Variants in SPNS2 observed in about 807,000 individuals in gnomAD.
The protein encoded by SPNS2 is sphingosine-1-phosphate transporter SPNS2.
Under a neutral mutation model 57.6 loss-of-function variants are expected in SPNS2, and 37 were observed. That is an observed-to-expected ratio of 0.64 (90% CI 0.49 to 0.85). SPNS2 has a LOEUF of 0.85. SPNS2 is among the 40% of genes least tolerant of loss of function. The pLI, the probability that SPNS2 is intolerant of heterozygous loss-of-function variation, is 0.00. For missense variants in SPNS2, 831 were observed against 779.1 expected (o/e 1.07, Z -0.79); for synonymous variants, 440 against 346.9 (o/e 1.27, Z -2.98).
chr17:4,502,314 AG>A (rs1201863405), intron 1 of SPNS2, among the ~76,000 whole-genome samples: 5 of 151,054 alleles, frequency 3.3e-5, no homozygotes, highest in African/African-American at 9.7e-5. Context: ...CAGGAGGTGG[AG>A]GTTGCATTGA....
chr17:4,502,857 C>T (rs1567586338), intron 1 of SPNS2, among the ~76,000 whole-genome samples: 5 of 152,136 alleles, frequency 3.3e-5, no homozygotes. Flanking sequence ...CCTTTGCAAG[C>T]CCCTCCCTTC....
At chr17:4,530,830 T>C in intron 4 of SPNS2, 47 bp downstream of exon 4, 1 of 1,586,856 alleles carries the variant, frequency 6.3e-7, no homozygotes, top group Non-Finnish European at 8.6e-7. Flanking sequence ...TGGGCAAGGT[T>C]CCCTTGGACT....
intron 1 of SPNS2, among the ~76,000 whole-genome samples, chr17:4,501,002 G>C (rs1327961560): frequency 6.6e-6 from 1 of 152,214 alleles, no homozygotes; most frequent in East Asian, 1.9e-4. Context: ...GGACCTGGGA[G>C]CATAAGCGCC....
rs1905569238 is a variant in SPNS2 at position 4,533,036 on chromosome 17, T to C, written c.995T>C (p.Leu332Pro). The C allele has an allele frequency of 6.2e-7, 1 of 1,613,370 alleles. No individual in the cohort carries two copies. Among genetic ancestry groups the C allele is most frequent in the East Asian group, 2.2e-5 (1 of 44,870 alleles). The part of the protein sequence containing the change: ...TSAVSFATGA[L>P]GMWIPLYLHR... Reference sequence around the variant, plus strand: ...GCTGTCTCCTTCGCCACGGGGGCCCTGGGCATGTGGATCCCGCTCTACCTG... The same window carrying C: ...GCTGTCTCCTTCGCCACGGGGGCCCCGGGCATGTGGATCCCGCTCTACCTG... Residue 332 changes from leucine (L) to proline (P), a missense_variant, in exon 7 of 13, where the codon CTG (leucine) becomes CCG (proline). This residue lies in a region of SPNS2 where 526 missense variants were observed against 400.9 expected (regional missense o/e 1.31). Coordinates refer to ENST00000329078, the MANE Select transcript of SPNS2 (RefSeq NM_001124758.3).
intron 5 of SPNS2, 136 bp downstream of exon 5, chr17:4,531,255 C>T: frequency 3.8e-6 from 3 of 784,204 alleles, no homozygotes; most frequent in Non-Finnish European, 6.4e-6. Context: ...GAAATCCCTG[C>T]CCTTCCAGAT....
intron 2 of SPNS2, among the ~76,000 whole-genome samples, chr17:4,516,707 T>C (rs922618778): frequency 6.6e-6 from 1 of 152,182 alleles, no homozygotes; most frequent in Admixed American, 6.5e-5. Flanking sequence ...GAAGCCCTCC[T>C]TTCCCCTCCA....
chr17:4,525,247 G>A lies in SPNS2; in HGVS notation c.573+54G>A, dbSNP rs374169473. 1.8e-5 allele frequency: 29 copies of A among 1,595,382 alleles called. No homozygotes were observed. The South Asian group carries it at 3.0e-4, about 17-fold the overall frequency. ...CCCTGTGTCCTGGTCCCTCCAGCGA[G>A]TGGCTAGTCTTATTGGCCTGTTGAA... On this transcript the variant is annotated intron_variant, in intron 3 of 12. Coordinates refer to ENST00000329078, the MANE Select transcript of SPNS2 (RefSeq NM_001124758.3).
Position 4,513,318 on chromosome 17 carries a change from GC to G in SPNS2, c.436+9del, listed in dbSNP as rs771116689. On this transcript the variant is annotated splice_region_variant and intron_variant, in intron 2 of 12. Transcript: ENST00000329078. ...CGCCGGCCTGCTGCAGTCAGGTGAG[GC>G]CCACCTCCCACCTTCCCCCCCACGC... The G allele has an allele frequency of 4.3e-5, 70 of 1,613,590 alleles. No homozygotes were observed. The African/African-American group carries it at 8.8e-4, about 20-fold the overall frequency.
At position 4,538,581 on chromosome 17, in the gene SPNS2, T is replaced by C. The variant is rs980470406; in HGVS notation, c.*1133T>C. 7.4e-5 allele frequency: 29 copies of C among 393,126 alleles called. No homozygotes were observed. Among genetic ancestry groups the C allele is most frequent in the African/African-American group, 1.0e-4 (5 of 48,382 alleles). 24.4% of individuals were successfully genotyped at this position (393,126 alleles called of 1,614,324 possible). A position where few individuals can be genotyped will look rare whatever the true frequency, so the allele number is the denominator to read the frequency against. Reference sequence around the variant, plus strand: ...CTTTGGGGGAGCTTAGCCCCCTGCGTCACCCACTCCCTGCACTTCTGCTGC... The same window carrying C: ...CTTTGGGGGAGCTTAGCCCCCTGCGCCACCCACTCCCTGCACTTCTGCTGC... On this transcript the variant is annotated 3_prime_UTR_variant, in exon 13 of 13. Transcript: ENST00000329078.
Position 4,533,132 on chromosome 17 carries a change from GGGGC to G in SPNS2, c.1088+4_1088+7del. The stretch of plus-strand genomic sequence containing the variant: ...CCGCCCTGTGGGGCCAAGGACAGGT[GGGGC>G]CCCGCGGGGTGGGCCCAGGGCTGGT... On this transcript the variant is annotated splice_donor_5th_base_variant and intron_variant, in intron 7 of 12. Transcript: ENST00000329078. 6.2e-7 allele frequency: 1 copy of G among 1,604,206 alleles called. No homozygotes were observed. Among genetic ancestry groups the G allele is most frequent in the Non-Finnish European group, 8.5e-7 (1 of 1,175,006 alleles).
rs58150038 is a variant in SPNS2, at chr17:4,531,176, G to C, written c.792+57G>C. ...CCTCCGGTCCAGACCTCGCCCCAGGGTTGCCCAGAGATGTAATCCAGGCTA... is the reference window on the plus strand; with the variant it reads ...CCTCCGGTCCAGACCTCGCCCCAGGCTTGCCCAGAGATGTAATCCAGGCTA... On this transcript the variant is annotated intron_variant, in intron 5 of 12. Transcript: ENST00000329078. 122,683 of 1,562,980 alleles carry C rather than the reference G, an allele frequency of 0.078. 5,994 individuals are homozygous for C. Among genetic ancestry groups the C allele is most frequent in the African/African-American group, 0.22 (15,991 of 73,656 alleles).
chr17:4,516,601 C>CT (rs1905002667), intron 2 of SPNS2, among the ~76,000 whole-genome samples: 1 of 114,624 alleles, frequency 8.7e-6, no homozygotes, highest in African/African-American at 3.6e-5. Context: ...TGGCCGGTGG[C>CT]CGCGGAGAAC....
Position 4,499,464 on chromosome 17 carries a change from C to G in SPNS2, c.370+47C>G, listed in dbSNP as rs1311946405. On this transcript the variant is annotated intron_variant, in intron 1 of 12. Transcript: ENST00000329078. This position sits in a 1 kb window ranked among gnomAD's most constrained non-coding sequence, Gnocchi z 5.2. ...CCCGAGGACCAAGACCCCACCCCAT[C>G]CCACCACCCGCCTCGAGGGAGGTAC... 95 of 1,204,984 alleles carry G rather than the reference C, an allele frequency of 7.9e-5. No individual in the cohort carries two copies. The highest frequency in any genetic ancestry group is 9.4e-5 in the Non-Finnish European group (88 of 936,282). 74.6% of individuals were successfully genotyped at this position (1,204,984 alleles called of 1,614,324 possible).
At chr17:4,508,903 A>C (rs1318849889) in intron 1 of SPNS2, among the ~76,000 whole-genome samples, 1 of 152,180 alleles carries the variant, frequency 6.6e-6, no homozygotes, top group Middle Eastern at 3.2e-3. Flanking sequence ...GGGTCTCTAG[A>C]GGCCCAGACC....
Position 4,510,348 on chromosome 17 carries a change from C to G in SPNS2, c.371-2899C>G, listed in dbSNP as rs554871650. ...AAGCTTCCTGTGTCCTGGGAACTGC[C>G]CAGGACTTCCCAGAGACCTTAGACG... On this transcript the variant is annotated intron_variant, in intron 1 of 12. Transcript: ENST00000329078. This position sits in a 1 kb window ranked among gnomAD's most constrained non-coding sequence, Gnocchi z 4.4. Among the ~76,000 whole-genome samples the G allele has an allele frequency of 2.0e-5, 3 of 152,128 alleles. No individual in the cohort carries two copies. The highest frequency in any genetic ancestry group is 4.4e-5 in the Non-Finnish European group (3 of 68,020).
Position 4,510,201 on chromosome 17 carries a change from G to A in SPNS2, c.371-3046G>A, listed in dbSNP as rs1904794867. Among the ~76,000 whole-genome samples the A allele has an allele frequency of 6.6e-6, 1 of 152,218 alleles. No homozygotes were observed. Among genetic ancestry groups the A allele is most frequent in the Non-Finnish European group, 1.5e-5 (1 of 68,034 alleles). On this transcript the variant is annotated intron_variant, in intron 1 of 12. Transcript: ENST00000329078. The surrounding 1 kb of genome is among the most constrained non-coding windows in gnomAD (Gnocchi z 4.4). ...CAGCCCAGGTCCGACCTTGGGCCTC[G>A]CAGCCTGCAGGAAGCCCTGCTCCCT...
rs769350083 is a variant in SPNS2 at position 4,536,083 on chromosome 17, T to C, written c.1352T>C (p.Val451Ala). 1 of 1,611,476 alleles carries C rather than the reference T, an allele frequency of 6.2e-7. No individual in the cohort carries two copies. Among genetic ancestry groups the C allele is most frequent in the Non-Finnish European group, 8.5e-7 (1 of 1,179,618 alleles). The change falls in exon 10 of 13, where the codon GTC becomes GCC. Residue 451 changes from valine (V) to alanine (A), a missense_variant. Val to Ala is a moderately conservative substitution (Grantham distance 64, BLOSUM62 0). This residue lies in a region of SPNS2 where 526 missense variants were observed against 400.9 expected (regional missense o/e 1.31). Coordinates refer to ENST00000329078, the MANE Select transcript of SPNS2 (RefSeq NM_001124758.3). ...AITADILMYV[V>A]IPTRRATAVA... is the part of the protein sequence containing the mutation. ...TGCCCGCCTGTTCCGCAGTACGTGGTCATCCCCACGCGGCGCGCCACTGCC... is the reference window on the plus strand; with the variant it reads ...TGCCCGCCTGTTCCGCAGTACGTGGCCATCCCCACGCGGCGCGCCACTGCC...
Position 4,525,119 on chromosome 17 carries a change from A to G in SPNS2, c.499A>G (p.Arg167Gly), listed in dbSNP as rs1905231772. ...CGGCTACCTGGGCGACCGCTTCAAC[A>G]GGAAGGTGATTCTCAGCTGCGGCAT... is the stretch of plus-strand genomic sequence containing the variant. ...IFGYLGDRFNRKVILSCGIFF... is the reference protein window; with the variant it reads ...IFGYLGDRFNGKVILSCGIFF... The change falls in exon 3 of 13, where the codon AGG (arginine) becomes GGG (glycine). Residue 167 changes from arginine (R) to glycine (G), a missense_variant. Physicochemically the swap from Arg to Gly is moderately radical, Grantham distance 125. Coordinates refer to ENST00000329078, the MANE Select transcript of SPNS2 (RefSeq NM_001124758.3). 2 of 1,614,198 alleles carry G rather than the reference A, an allele frequency of 1.2e-6. No homozygotes were observed. Among genetic ancestry groups the G allele is most frequent in the Non-Finnish European group, 1.7e-6 (2 of 1,180,016 alleles).
At chr17:4,505,477 G>A (rs1904649117) in intron 1 of SPNS2, among the ~76,000 whole-genome samples, 1 of 152,234 alleles carries the variant, frequency 6.6e-6, no homozygotes, top group East Asian at 1.9e-4. Context: ...GGAGGATGTA[G>A]TCAGGCAGTC....
Sources: allele counts gnomAD v4.1 joint callset (sites outside exome capture counted in the v4.1 genomes callset), GRCh38; gene constraint gnomAD v4.1.1; regional missense constraint gnomAD v4.1.1; non-coding constraint Gnocchi (gnomAD v3.1); transcripts MANE v1.5; gene names NCBI Gene and HGNC (gene_info 2026-07-23, HGNC 2026-07-21).